The following RSF1 variants were observed in gnomAD, a reference collection of about 807,000 sequenced individuals.
The protein encoded by RSF1 is HBV pX-associated protein 8.
RSF1 carries 13 observed loss-of-function variants against 145.2 expected under a neutral mutation model. The observed-to-expected ratio is 0.09, with a 90% CI of 0.06 to 0.14. The LOEUF is 0.14. Ranked by LOEUF, RSF1 falls within the 10% of genes least tolerant of loss-of-function variation. The pLI, the probability that RSF1 is intolerant of heterozygous loss-of-function variation, is 1.00. For synonymous variants in RSF1, 577 were observed against 592.6 expected, an observed-to-expected ratio of 0.97 and a Z score of 0.38; for missense variants, 1,517 against 1,718.2, an observed-to-expected ratio of 0.88 and a Z score of 2.07.
chr11:77,735,495 C>T (rs1961325996), intron 4 of RSF1, among the ~76,000 whole-genome samples: 1 of 151,894 alleles, frequency 6.6e-6, no homozygotes, highest in African/African-American at 2.4e-5. Flanking sequence ...GACTAGATAA[C>T]TTTTGTTATA....
At chr11:77,833,333 T>A in the RSF1 span, among the ~76,000 whole-genome samples, 1 of 152,076 alleles carries the variant, frequency 6.6e-6, no homozygotes, top group African/African-American at 2.4e-5. Flanking sequence ...AACTAGATGG[T>A]TCCATCTGGG....
chr11:77,866,513 CTG>C, the RSF1 span: 1 of 152,196 alleles, frequency 6.6e-6, no homozygotes, highest in African/African-American at 2.4e-5. Flanking sequence ...GTACATGACA[CTG>C]TGAGCCTGCA....
At chr11:77,744,186 GC>G (rs1947973307) in intron 3 of RSF1, among the ~76,000 whole-genome samples, 1 of 151,950 alleles carries the variant, frequency 6.6e-6, no homozygotes. Context: ...GTGCCACTAT[GC>G]CCAGCTGATT....
intron 5 of RSF1, among the ~76,000 whole-genome samples, chr11:77,707,946 C>A (rs1461125787): frequency 6.6e-6 from 1 of 152,130 alleles, no homozygotes; most frequent in East Asian, 1.9e-4. Flanking sequence ...AGAAACAGAA[C>A]ACAATGTTAA....
the RSF1 span, chr11:77,842,369 GA>G: frequency 3.8e-6 from 4 of 1,057,600 alleles, no homozygotes; most frequent in South Asian, 6.8e-5. Context: ...CCACGTAAAT[GA>G]AAAGATGCTT....
chr11:77,764,052 A>G (rs1174642484), intron 2 of RSF1: 1 of 152,476 alleles, frequency 6.6e-6, no homozygotes, highest in Non-Finnish European at 1.5e-5. Flanking sequence ...TGCACAACCT[A>G]GATCCTTCGC....
rs548853002 is a variant in RSF1, at chr11:77,814,571, G to A, written c.187+5957C>T. 8.1e-4 allele frequency among the ~76,000 whole-genome samples: 123 copies of A among 152,154 alleles called. 1 individual carries two copies. Among genetic ancestry groups the A allele is most frequent in the African/African-American group, 2.7e-3 (114 of 41,542 alleles). On this transcript the variant is annotated intron_variant, in intron 1 of 15. Coordinates refer to ENST00000308488, the MANE Select transcript of RSF1 (RefSeq NM_016578.4). Reference sequence around the variant, plus strand: ...AGCGATTCTCCTGCCTCGGTCTCCCGAGTAGCTGGGATTACAGGCGCCTGA... The same window carrying A: ...AGCGATTCTCCTGCCTCGGTCTCCCAAGTAGCTGGGATTACAGGCGCCTGA...
At chr11:77,770,214 G>A (rs1246651843) in intron 1 of RSF1, among the ~76,000 whole-genome samples, 3 of 152,360 alleles carry the variant, frequency 2.0e-5, no homozygotes, top group Non-Finnish European at 4.4e-5. Flanking sequence ...TGTAATCCCA[G>A]CACTTTGGGA....
the RSF1 span, among the ~76,000 whole-genome samples, chr11:77,855,869 G>T: frequency 5.3e-5 from 8 of 151,990 alleles, no homozygotes; most frequent in South Asian, 1.7e-3. Context: ...GGAGGCCAAG[G>T]TTATGAGGTG....
intron 5 of RSF1, among the ~76,000 whole-genome samples, chr11:77,718,871 T>C (rs1037767264): frequency 2.0e-5 from 3 of 152,234 alleles, no homozygotes; most frequent in Non-Finnish European, 4.4e-5. Flanking sequence ...TTATATTATT[T>C]TGCCACATAG....
intron 5 of RSF1, among the ~76,000 whole-genome samples, chr11:77,706,102 G>C: frequency 6.6e-6 from 1 of 151,918 alleles, no homozygotes; most frequent in East Asian, 1.9e-4. Context: ...TTAGCAGGGT[G>C]GGGTGGTGTG....
At chr11:77,684,493 C>T (rs1391256138) in intron 10 of RSF1, among the ~76,000 whole-genome samples, 1 of 152,084 alleles carries the variant, frequency 6.6e-6, no homozygotes, top group Non-Finnish European at 1.5e-5. Flanking sequence ...ACATAAACAG[C>T]ATGCAAAACA....
chr11:77,707,448 C>T (rs1459275565), intron 5 of RSF1, among the ~76,000 whole-genome samples: 2 of 152,090 alleles, frequency 1.3e-5, no homozygotes, highest in Non-Finnish European at 2.9e-5. Context: ...AGGTATACTG[C>T]ATTGAAGAAG....
rs1204246246 is a variant in RSF1, at chr11:77,734,541, G to A, written c.578+6190C>T. The A allele has an allele frequency of 3.2e-6, 5 of 1,568,990 alleles. No individual in the cohort carries two copies. In the Admixed American group the frequency reaches 5.0e-5, roughly 16 times the overall value. On this transcript the variant is annotated intron_variant, in intron 4 of 15. Transcript: ENST00000308488. ...AGAGATATTCTGCCAAGCCAGATTCGAGTGCTCCCATCTTGTGCAAGTTGG... is the reference window on the plus strand; with the variant it reads ...AGAGATATTCTGCCAAGCCAGATTCAAGTGCTCCCATCTTGTGCAAGTTGG...
At position 77,725,702 on chromosome 11, in the gene RSF1, A is replaced by G; in HGVS notation, c.579-3T>C. ...TCTCAGCCAACTCGTTTCGATTTCT[A>G]AACAAGGAAAAAAATAAGACAGCAT... On this transcript the variant is annotated splice_region_variant and splice_polypyrimidine_tract_variant and intron_variant, in intron 4 of 15. Coordinates refer to ENST00000308488, the MANE Select transcript of RSF1 (RefSeq NM_016578.4). 6.4e-7 allele frequency: 1 copy of G among 1,566,816 alleles called. No individual in the cohort carries two copies. Among genetic ancestry groups the G allele is most frequent in the Non-Finnish European group, 8.6e-7 (1 of 1,157,914 alleles).
chr11:77,832,848 G>GGA, the RSF1 span, among the ~76,000 whole-genome samples: 2 of 151,384 alleles, frequency 1.3e-5, no homozygotes, highest in African/African-American at 4.9e-5. Context: ...TTGGCACAAG[G>GGA]GACCAGTATT....
intron 1 of RSF1, among the ~76,000 whole-genome samples, chr11:77,798,839 G>T (rs893337497): frequency 6.6e-6 from 1 of 151,568 alleles, no homozygotes; most frequent in East Asian, 1.9e-4. Flanking sequence ...GTCGGGAGGT[G>T]GGGGGATAGG....
At chr11:77,778,001 A>G (rs1303230497) in intron 1 of RSF1, among the ~76,000 whole-genome samples, 3 of 139,094 alleles carry the variant, frequency 2.2e-5, no homozygotes, top group Non-Finnish European at 3.1e-5. Context: ...AACTTCAGGT[A>G]TGGTGGCTCA....
the RSF1 span, among the ~76,000 whole-genome samples, chr11:77,870,863 T>C: frequency 6.6e-6 from 1 of 152,216 alleles, no homozygotes; most frequent in East Asian, 1.9e-4. Context: ...GTCAGTGCTA[T>C]ATGTATTCTA....
Sources: gnomAD v4.1 joint callset for allele counts (sites outside exome capture counted in the v4.1 genomes callset) on GRCh38, gnomAD v4.1.1 for gene constraint, MANE v1.5 for transcripts, NCBI Gene and HGNC (gene_info 2026-07-23, HGNC 2026-07-21) for gene names.